Variants in FRMD5 observed in about 807,000 individuals in gnomAD.
FRMD5 encodes FERM domain-containing protein 5.
FRMD5 carries 20 observed loss-of-function variants against 69.0 expected under a neutral mutation model. That is an observed-to-expected ratio of 0.29 (90% CI 0.20 to 0.42). The LOEUF (loss-of-function observed/expected upper bound fraction) is 0.42. Among genes scored for constraint, FRMD5 ranks in the 10% least tolerant of loss-of-function variants. FRMD5 has a pLI of 1.00. For synonymous variants in FRMD5, 271 were observed against 260.1 expected, an observed-to-expected ratio of 1.04 and a Z score of -0.40; for missense variants, 595 against 708.6, an observed-to-expected ratio of 0.84 and a Z score of 1.82.
chr15:43,874,505 AC>A, intron 13 of FRMD5, 43 bp from the exon 14 acceptor site: 3 of 1,492,342 alleles, frequency 2.0e-6, no homozygotes, highest in Non-Finnish European at 2.8e-6. Context: ...GTCCCAATGC[AC>A]CCTTTGCTTT....
chr15:43,990,174 T>A, intron 1 of FRMD5: 2 of 545,752 alleles, frequency 3.7e-6, no homozygotes, highest in Admixed American at 4.5e-5. Flanking sequence ...CATGGTGATA[T>A]CATCATCCAT....
intron 1 of FRMD5, among the ~76,000 whole-genome samples, chr15:43,997,492 G>C (rs1027129011): frequency 6.6e-6 from 1 of 152,162 alleles, no homozygotes; most frequent in African/African-American, 2.4e-5. Context: ...CCTTCAGGGT[G>C]CCTGCTGGCA....
intron 1 of FRMD5, among the ~76,000 whole-genome samples, chr15:44,092,927 C>CTTTTTTTT (rs3040924): frequency 6.3e-5 from 5 of 79,420 alleles, no homozygotes; most frequent in African/African-American, 1.9e-4. Context: ...TATCCTCTGC[C>CTTTTTTTT]TTTTTTTTTT....
intron 1 of FRMD5, among the ~76,000 whole-genome samples, chr15:44,048,060 G>A (rs775181999): frequency 9.9e-5 from 15 of 151,888 alleles, no homozygotes; most frequent in Non-Finnish European, 1.6e-4. Context: ...CAATTCTCTC[G>A]GTTGTCATCT....
intron 1 of FRMD5, among the ~76,000 whole-genome samples, chr15:44,007,066 C>T (rs185085796): frequency 1.1e-3 from 161 of 152,300 alleles, no homozygotes; most frequent in Non-Finnish European, 1.5e-3. Flanking sequence ...TCACAGCCAC[C>T]TTCAGCAGCC....
intron 5 of FRMD5, among the ~76,000 whole-genome samples, chr15:43,907,776 G>A (rs1000118426): frequency 6.6e-6 from 1 of 152,052 alleles, no homozygotes; most frequent in African/African-American, 2.4e-5. Context: ...AAAGTTCTGG[G>A]GTTACAGGCG....
chr15:44,132,594 A>G (rs2077117635), intron 1 of FRMD5, among the ~76,000 whole-genome samples: 1 of 151,806 alleles, frequency 6.6e-6, no homozygotes. Context: ...ACACCCAGCT[A>G]ATTTTTCTAT....
chr15:44,193,349 A>G (rs752247910), intron 1 of FRMD5, among the ~76,000 whole-genome samples: 8 of 152,254 alleles, frequency 5.3e-5, no homozygotes, highest in Non-Finnish European at 1.0e-4. Flanking sequence ...AAACAAAAGG[A>G]TAAAGACTTT....
rs548943268 is a variant in FRMD5, at chr15:43,987,343, G to A, written c.103-63034C>T. Among the ~76,000 whole-genome samples the A allele has an allele frequency of 2.6e-5, 4 of 152,292 alleles. No homozygotes were observed. In the South Asian group the frequency reaches 8.3e-4, roughly 32 times the overall value. ...AAAAAGATCTTGATGGATATTCAAA[G>A]TGCTACTCCAGTGAACACATGAATG... On this transcript the variant is annotated intron_variant, in intron 1 of 13. Coordinates refer to ENST00000417257, the MANE Select transcript of FRMD5 (RefSeq NM_032892.5).
At chr15:44,017,852 G>A (rs999692778) in intron 1 of FRMD5, among the ~76,000 whole-genome samples, 22 of 151,692 alleles carry the variant, frequency 1.5e-4, no homozygotes, top group African/African-American at 5.3e-4. Context: ...CTCGTGATCC[G>A]CCCGCCTCAT....
intron 1 of FRMD5, among the ~76,000 whole-genome samples, chr15:44,081,872 T>A (rs924288142): frequency 2.0e-5 from 3 of 151,934 alleles, no homozygotes; most frequent in Non-Finnish European, 4.4e-5. Flanking sequence ...CACAATCTGG[T>A]CCATCTGCTA....
intron 1 of FRMD5, among the ~76,000 whole-genome samples, chr15:44,180,709 T>C (rs2140563245): frequency 6.6e-6 from 1 of 152,200 alleles, no homozygotes; most frequent in South Asian, 2.1e-4. Context: ...CGCTTGAACC[T>C]GGGAGGCAGA....
chr15:44,128,056 G>A (rs575359577), intron 1 of FRMD5, among the ~76,000 whole-genome samples: 3 of 152,052 alleles, frequency 2.0e-5, no homozygotes, highest in East Asian at 1.9e-4. Flanking sequence ...GTAAAATTTC[G>A]CCCCCACCGT....
intron 1 of FRMD5, among the ~76,000 whole-genome samples, chr15:43,998,798 G>A (rs1198622166): frequency 1.3e-5 from 2 of 152,190 alleles, no homozygotes; most frequent in African/African-American, 4.8e-5. Context: ...AGTTCAGTAT[G>A]ATTTGAATGA....
At chr15:43,919,303 A>T (rs750890326) in intron 4 of FRMD5, 156 bp downstream of exon 4, 1 of 789,458 alleles carries the variant, frequency 1.3e-6, no homozygotes, top group Non-Finnish European at 2.3e-6. Flanking sequence ...CGAAGAAAGC[A>T]TGTGGAAATG....
intron 7 of FRMD5, among the ~76,000 whole-genome samples, chr15:43,893,030 G>C (rs1172278629): frequency 6.6e-6 from 1 of 151,966 alleles, no homozygotes; most frequent in African/African-American, 2.4e-5. Context: ...CTTGAACCCA[G>C]GAGGTGGAGG....
rs73404445 is a variant in FRMD5 at position 43,947,113 on chromosome 15, G to A, written c.103-22804C>T. 5.6e-3 allele frequency among the ~76,000 whole-genome samples: 857 copies of A among 152,300 alleles called. 7 individuals carry two copies. The highest frequency in any genetic ancestry group is 0.02 in the African/African-American group (837 of 41,570). ...AGTTATCACTTGAATAGAATTTAAT[G>A]AATACTAGTGCTTAAGCAACTTCTG... On this transcript the variant is annotated intron_variant, in intron 1 of 13. Transcript: ENST00000417257.
chr15:43,964,036 C>T (rs2090250822), intron 1 of FRMD5, among the ~76,000 whole-genome samples: 1 of 151,416 alleles, frequency 6.6e-6, no homozygotes, highest in Admixed American at 6.6e-5. Context: ...TGCACATGTA[C>T]CCTAAAACTT....
intron 6 of FRMD5, among the ~76,000 whole-genome samples, chr15:43,902,717 T>A (rs1418221193): frequency 6.7e-6 from 1 of 150,002 alleles, no homozygotes; most frequent in Non-Finnish European, 1.5e-5. Context: ...AATGCAAGGC[T>A]TAGCTAGATA....
Sources: gnomAD v4.1 joint callset for allele counts (sites outside exome capture counted in the v4.1 genomes callset) on GRCh38, gnomAD v4.1.1 for gene constraint, MANE v1.5 for transcripts, NCBI Gene and HGNC (gene_info 2026-07-23, HGNC 2026-07-21) for gene names.